The following CDK19 variants were observed in gnomAD, a reference collection of about 807,000 sequenced individuals.
CDK19 encodes the protein cyclin-dependent kinase 19.
A neutral mutation model predicts 68.3 loss-of-function variants in CDK19; 20 were observed. The observed-to-expected ratio is 0.29, with a 90% CI of 0.21 to 0.43. The LOEUF is 0.43. Among genes scored for constraint, CDK19 ranks in the 20% least tolerant of loss-of-function variants. CDK19 has a pLI of 1.00. For missense variants in CDK19, 339 were observed against 623.5 expected (o/e 0.54, Z 4.86); for synonymous variants, 221 against 222.8 (o/e 0.99, Z 0.07).
In CDK19 at chr6:110,815,067, C is replaced by G; in HGVS notation, c.70G>C (p.Gly24Arg). ...TAGGTGCCGCGTCCCACTTTGCACC[C>G]TTCGTACTCAAACAAATCCTCCACC... is the stretch of plus-strand genomic sequence containing the variant. ...ERVEDLFEYE[G>R]CKVGRGTYGH... The change falls in exon 1 of 13, where the codon GGG (glycine) becomes CGG (arginine). Residue 24 changes from glycine (G) to arginine (R), a missense_variant. Around this residue, in one of 4 missense-constraint regions of CDK19, gnomAD observed 120 missense variants for 224.0 expected, o/e 0.54. Transcript: ENST00000368911. The G allele has an allele frequency of 6.2e-7, 1 of 1,605,536 alleles. No individual in the cohort carries two copies. Among genetic ancestry groups the G allele is most frequent in the Non-Finnish European group, 8.5e-7 (1 of 1,176,786 alleles).
intron 1 of CDK19, among the ~76,000 whole-genome samples, chr6:110,804,956 A>G (rs1256202094): frequency 6.6e-6 from 1 of 151,816 alleles, no homozygotes; most frequent in African/African-American, 2.4e-5. Flanking sequence ...ACTTCGTCTC[A>G]AAACAAAAAA....
In CDK19 at chr6:110,679,679, C is replaced by T. The variant is rs902006853; in HGVS notation, c.205-9138G>A. Reference sequence around the variant, plus strand: ...ATCATTAAAATGTGTTCATCTTATACCTGTATAACAGTCATAATTTTACCT... The same window carrying T: ...ATCATTAAAATGTGTTCATCTTATATCTGTATAACAGTCATAATTTTACCT... On this transcript the variant is annotated intron_variant, in intron 2 of 12. Coordinates refer to ENST00000368911, the MANE Select transcript of CDK19 (RefSeq NM_015076.5). 5.3e-5 allele frequency among the ~76,000 whole-genome samples: 8 copies of T among 152,048 alleles called. No individual in the cohort carries two copies. In the East Asian group the frequency reaches 1.5e-3, roughly 29 times the overall value.
At chr6:110,814,881 G>A in intron 1 of CDK19, 128 bp downstream of exon 1, 1 of 1,277,812 alleles carries the variant, frequency 7.8e-7, no homozygotes, top group Non-Finnish European at 1.1e-6. Context: ...GTGTCCGGAC[G>A]CAACCCCGCG....
chr6:110,734,489 T>A (rs1225748841), intron 2 of CDK19, among the ~76,000 whole-genome samples: 1 of 127,552 alleles, frequency 7.8e-6, no homozygotes. Context: ...ACTCCTCAAA[T>A]ACTATTGATA....
At chr6:110,667,230 T>C (rs1038489159) in intron 4 of CDK19, among the ~76,000 whole-genome samples, 2 of 152,212 alleles carry the variant, frequency 1.3e-5, no homozygotes, top group African/African-American at 4.8e-5. Flanking sequence ...TGCATAAATA[T>C]AATGGAATGA....
chr6:110,638,610 TC>T, intron 5 of CDK19, 38 bp downstream of exon 5: 3 of 1,021,062 alleles, frequency 2.9e-6, no homozygotes, highest in Non-Finnish European at 1.5e-6. Context: ...GCAGTTAACT[TC>T]AGTTTTTAAA....
chr6:110,682,940 C>T (rs964023253), intron 2 of CDK19, among the ~76,000 whole-genome samples: 1 of 152,030 alleles, frequency 6.6e-6, no homozygotes, highest in African/African-American at 2.4e-5. Context: ...CTCTGGGAGG[C>T]CAAGGCAGGT....
intron 4 of CDK19, among the ~76,000 whole-genome samples, chr6:110,655,937 T>C (rs1440000633): frequency 6.6e-6 from 1 of 152,222 alleles, no homozygotes; most frequent in Non-Finnish European, 1.5e-5. Context: ...CCTCTTCTTT[T>C]ACTACTTCTT....
At chr6:110,653,591 G>C (rs1336299086) in intron 4 of CDK19, among the ~76,000 whole-genome samples, 4 of 152,162 alleles carry the variant, frequency 2.6e-5, no homozygotes, top group Non-Finnish European at 5.9e-5. Context: ...AGTAGAAATG[G>C]CAAGAGTTGG....
intron 1 of CDK19, among the ~76,000 whole-genome samples, chr6:110,790,110 G>C (rs79671910): frequency 2.0e-5 from 3 of 152,180 alleles, no homozygotes; most frequent in Non-Finnish European, 4.4e-5. Flanking sequence ...GGAAGGCATT[G>C]TATATTTCTG....
intron 4 of CDK19, chr6:110,646,609 A>G: frequency 5.6e-6 from 2 of 359,954 alleles, no homozygotes; most frequent in Non-Finnish European, 9.9e-6. Context: ...GGGGGCGGGG[A>G]GGGGGGATTC....
intron 11 of CDK19, 52 bp downstream of exon 11, chr6:110,622,036 C>A: frequency 9.5e-7 from 1 of 1,049,674 alleles, no homozygotes; most frequent in South Asian, 1.6e-5. Flanking sequence ...CCTAAACTAT[C>A]TTTTTGCCTC....
At chr6:110,705,331 C>T (rs936832981) in intron 2 of CDK19, among the ~76,000 whole-genome samples, 2 of 152,054 alleles carry the variant, frequency 1.3e-5, no homozygotes, top group Non-Finnish European at 2.9e-5. Context: ...TGAGCCACTG[C>T]GCCTGGCCAG....
chr6:110,689,639 T>C (rs1363915291), intron 2 of CDK19, among the ~76,000 whole-genome samples: 1 of 152,150 alleles, frequency 6.6e-6, no homozygotes, highest in African/African-American at 2.4e-5. Context: ...ACTATTACAA[T>C]CAGCATTTGA....
chr6:110,713,912 G>C (rs150133554), intron 2 of CDK19, among the ~76,000 whole-genome samples: 1 of 152,064 alleles, frequency 6.6e-6, no homozygotes, highest in South Asian at 2.1e-4. Context: ...ACCTTACTGA[G>C]TATTCTTTCT....
intron 2 of CDK19, among the ~76,000 whole-genome samples, chr6:110,692,317 C>T (rs913008434): frequency 6.7e-6 from 1 of 150,198 alleles, no homozygotes; most frequent in East Asian, 2.0e-4. Context: ...GAAAGAAAGA[C>T]ACTCTTACAG....
Position 110,815,170 on chromosome 6 carries a change from G to A in CDK19, c.-34C>T, listed in dbSNP as rs1269603298. 6 of 1,557,500 alleles carry A rather than the reference G, an allele frequency of 3.9e-6. No homozygotes were observed. The highest frequency in any genetic ancestry group is 5.2e-6 in the Non-Finnish European group (6 of 1,153,202). On this transcript the variant is annotated 5_prime_UTR_variant, in exon 1 of 13. Transcript: ENST00000368911. Reference sequence around the variant, plus strand: ...TCCCCCATAGAGGCACGGGACGCGGGGGCCGCCGCCGCTCAGTCCCTCCTC... The same window carrying A: ...TCCCCCATAGAGGCACGGGACGCGGAGGCCGCCGCCGCTCAGTCCCTCCTC...
At chr6:110,747,116 G>C (rs1332864641) in intron 1 of CDK19, among the ~76,000 whole-genome samples, 3 of 152,142 alleles carry the variant, frequency 2.0e-5, no homozygotes, top group East Asian at 3.9e-4. Flanking sequence ...CCTCAGCAAA[G>C]TATCACCATG....
intron 4 of CDK19, among the ~76,000 whole-genome samples, chr6:110,644,370 A>C (rs533919137): frequency 2.0e-5 from 3 of 152,134 alleles, no homozygotes; most frequent in Non-Finnish European, 4.4e-5. Flanking sequence ...GGGGAAGGGT[A>C]GTAGGGGCAG....
Sources: allele counts gnomAD v4.1 joint callset (sites outside exome capture counted in the v4.1 genomes callset), GRCh38; gene constraint gnomAD v4.1.1; regional missense constraint gnomAD v4.1.1; transcripts MANE v1.5; gene names NCBI Gene and HGNC (gene_info 2026-07-23, HGNC 2026-07-21).